SMYD3: variants seen among roughly 807,000 people sequenced by gnomAD.
SMYD3 encodes histone-lysine N-methyltransferase SMYD3.
In SMYD3, 36 loss-of-function variants were observed where a neutral mutation model predicts 57.7. The observed-to-expected ratio is 0.62, with a 90% CI of 0.48 to 0.82. The LOEUF (loss-of-function observed/expected upper bound fraction) is 0.82, where lower values mean the gene tolerates loss of function less well. Ranked by LOEUF, SMYD3 falls within the 40% of genes least tolerant of loss-of-function variation. SMYD3 has a pLI of 0.00. For missense variants in SMYD3, 515 were observed against 538.8 expected, an observed-to-expected ratio of 0.96 and a Z score of 0.44; for synonymous variants, 211 against 195.0, an observed-to-expected ratio of 1.08 and a Z score of -0.68.
intron 5 of SMYD3, among the ~76,000 whole-genome samples, chr1:245,952,344 ATGAGT>A (rs2057684307): frequency 6.6e-6 from 1 of 152,200 alleles, no homozygotes; most frequent in Non-Finnish European, 1.5e-5. Flanking sequence ...AAGGGAACAG[ATGAGT>A]TGATGACAAA....
intron 10 of SMYD3, among the ~76,000 whole-genome samples, chr1:245,820,203 A>G (rs2049082191): frequency 6.6e-6 from 1 of 150,838 alleles, no homozygotes; most frequent in Admixed American, 6.6e-5. Flanking sequence ...CACCATGATC[A>G]AGTGGGTTTC....
intron 1 of SMYD3, among the ~76,000 whole-genome samples, chr1:246,358,323 A>G (rs2065936874): frequency 6.6e-6 from 1 of 152,218 alleles, no homozygotes; most frequent in African/African-American, 2.4e-5. Flanking sequence ...AACAATTACT[A>G]ATAGACCTAA....
At chr1:246,030,728 C>G (rs1452230526) in intron 5 of SMYD3, among the ~76,000 whole-genome samples, 1 of 152,174 alleles carries the variant, frequency 6.6e-6, no homozygotes, top group Non-Finnish European at 1.5e-5. Context: ...CATCGCCACA[C>G]CTGTCACATA....
At chr1:245,996,352 C>T (rs10754493) in intron 5 of SMYD3, among the ~76,000 whole-genome samples, 77,138 of 152,094 alleles carry the variant, frequency 0.51, 23,444 homozygotes, top group Middle Eastern at 0.69. Context: ...CACCTGCCAA[C>T]CAGTGGGCTG....
chr1:246,502,740 G>C, intron 1 of SMYD3, among the ~76,000 whole-genome samples: 1 of 152,138 alleles, frequency 6.6e-6, no homozygotes, highest in East Asian at 1.9e-4. Context: ...TCTGCTGCAA[G>C]GAGGTAATCA....
Position 245,816,556 on chromosome 1 carries a change from C to T in SMYD3, c.1076+41940G>A, listed in dbSNP as rs371982145. 2.2e-4 allele frequency among the ~76,000 whole-genome samples: 33 copies of T among 147,422 alleles called. No individual in the cohort carries two copies. In the East Asian group the frequency reaches 4.8e-3, roughly 21 times the overall value. On this transcript the variant is annotated intron_variant, in intron 10 of 11. Coordinates refer to ENST00000490107, the MANE Select transcript of SMYD3 (RefSeq NM_001167740.2). ...AAAAAAAAAGAGGAGCCAAGATGGC[C>T]GAATAGGAACAGCTCCAGTCTACAG...
chr1:245,911,021 A>G (rs1249916284), intron 8 of SMYD3, among the ~76,000 whole-genome samples: 1 of 152,110 alleles, frequency 6.6e-6, no homozygotes, highest in Non-Finnish European at 1.5e-5. Flanking sequence ...TAATCACAAT[A>G]TATAGGAACT....
intron 2 of SMYD3, among the ~76,000 whole-genome samples, chr1:246,338,091 T>C (rs546327192): frequency 6.6e-6 from 1 of 152,326 alleles, no homozygotes; most frequent in East Asian, 1.9e-4. Flanking sequence ...ATTATTTCCA[T>C]GAAAAGCCAA....
chr1:245,759,208 G>C (rs1304787363), intron 11 of SMYD3, among the ~76,000 whole-genome samples: 1 of 152,084 alleles, frequency 6.6e-6, no homozygotes, highest in African/African-American at 2.4e-5. Flanking sequence ...AGGTCAGTAG[G>C]AATCACTCAT....
At chr1:246,188,295 T>C (rs529665439) in intron 5 of SMYD3, among the ~76,000 whole-genome samples, 16 of 152,254 alleles carry the variant, frequency 1.1e-4, no homozygotes, top group Admixed American at 3.9e-4. Context: ...AGAGTCCAGA[T>C]TGGACTCTGA....
At chr1:245,910,796 A>G (rs998863810) in intron 8 of SMYD3, among the ~76,000 whole-genome samples, 1 of 152,146 alleles carries the variant, frequency 6.6e-6, no homozygotes, top group African/African-American at 2.4e-5. Context: ...CCATGAAACT[A>G]CTATAAGAAA....
intron 10 of SMYD3, among the ~76,000 whole-genome samples, chr1:245,775,085 C>T (rs1386472180): frequency 6.6e-6 from 1 of 152,232 alleles, no homozygotes; most frequent in Admixed American, 6.5e-5. Context: ...GCCTTGGCCT[C>T]CCAAAGAGCC....
intron 8 of SMYD3, among the ~76,000 whole-genome samples, chr1:245,884,231 C>G (rs1175791543): frequency 6.6e-6 from 1 of 152,176 alleles, no homozygotes; most frequent in Non-Finnish European, 1.5e-5. Flanking sequence ...AACTATAGGT[C>G]TCCCTGACCA....
chr1:245,815,918 T>G lies in SMYD3; in HGVS notation c.1076+42578A>C, dbSNP rs551987989. Among the ~76,000 whole-genome samples, 3 of 152,276 alleles carry G rather than the reference T, an allele frequency of 2.0e-5. No homozygotes were observed. In the South Asian group the frequency reaches 6.2e-4, roughly 32 times the overall value. ...TTCCAAAGCCCATGATCCTTCGGAT[T>G]CATCAAAGCTCCACTCCAAGTGCCT... On this transcript the variant is annotated intron_variant, in intron 10 of 11. Coordinates refer to ENST00000490107, the MANE Select transcript of SMYD3 (RefSeq NM_001167740.2).
At chr1:246,014,148 C>T (rs1261946408) in intron 5 of SMYD3, among the ~76,000 whole-genome samples, 1 of 152,146 alleles carries the variant, frequency 6.6e-6, no homozygotes, top group South Asian at 2.1e-4. Context: ...CATGGCGAAA[C>T]CCCGTCTCTA....
chr1:245,977,079 T>C (rs1199394461), intron 5 of SMYD3, among the ~76,000 whole-genome samples: 1 of 149,994 alleles, frequency 6.7e-6, no homozygotes, highest in African/African-American at 2.5e-5. Flanking sequence ...CTCTAGCCTA[T>C]GTTATTGTGA....
chr1:246,182,844 C>T (rs868568817), intron 5 of SMYD3, among the ~76,000 whole-genome samples: 3 of 152,108 alleles, frequency 2.0e-5, no homozygotes, highest in African/African-American at 7.2e-5. Context: ...TTCCATTGCT[C>T]AAACCTAAAT....
chr1:245,901,012 A>T (rs1197956271), intron 8 of SMYD3, among the ~76,000 whole-genome samples: 1 of 152,180 alleles, frequency 6.6e-6, no homozygotes, highest in African/African-American at 2.4e-5. Flanking sequence ...CTTATTTTCA[A>T]AAGTTCTTCT....
intron 10 of SMYD3, among the ~76,000 whole-genome samples, chr1:245,776,816 G>C (rs1339409694): frequency 6.6e-6 from 1 of 152,228 alleles, no homozygotes; most frequent in African/African-American, 2.4e-5. Context: ...CGATAGCAGA[G>C]GCTGGTAAAC....
Sources: allele counts gnomAD v4.1 joint callset (sites outside exome capture counted in the v4.1 genomes callset), GRCh38; gene constraint gnomAD v4.1.1; transcripts MANE v1.5; gene names NCBI Gene and HGNC (gene_info 2026-07-23, HGNC 2026-07-21).